ADGRB3: variants seen among roughly 807,000 people sequenced by gnomAD.
The protein encoded by ADGRB3 is brain-specific angiogenesis inhibitor 3.
Under a neutral mutation model 193.4 loss-of-function variants are expected in ADGRB3, and 37 were observed. The observed-to-expected ratio is 0.19, with a 90% CI of 0.15 to 0.25. The LOEUF is 0.25. Among genes scored for constraint, ADGRB3 ranks in the 10% least tolerant of loss-of-function variants. The pLI is 1.00. For missense variants in ADGRB3, 1,637 were observed against 1,852.9 expected (o/e 0.88, Z 2.14); for synonymous variants, 690 against 644.2 (o/e 1.07, Z -1.08).
At chr6:69,082,490 A>G (rs1417557626) in intron 17 of ADGRB3, among the ~76,000 whole-genome samples, 1 of 151,704 alleles carries the variant, frequency 6.6e-6, no homozygotes, top group African/African-American at 2.4e-5. Flanking sequence ...TTCCCCTCTC[A>G]GTTATCTATT....
chr6:69,009,826 C>G (rs1258660780), intron 11 of ADGRB3, among the ~76,000 whole-genome samples: 1 of 152,040 alleles, frequency 6.6e-6, no homozygotes, highest in Non-Finnish European at 1.5e-5. Context: ...GAGGAGAGCA[C>G]ATTTCCTGTG....
chr6:68,861,814 A>T (rs1348063753), intron 3 of ADGRB3, among the ~76,000 whole-genome samples: 1 of 152,144 alleles, frequency 6.6e-6, no homozygotes, highest in Non-Finnish European at 1.5e-5. Flanking sequence ...TGTCTGTGCA[A>T]CCATAGCATG....
intron 17 of ADGRB3, among the ~76,000 whole-genome samples, chr6:69,227,439 A>G (rs544848889): frequency 2.0e-3 from 305 of 152,306 alleles, no homozygotes; most frequent in African/African-American, 6.9e-3. Context: ...ATAATTGTCG[A>G]CAGGATCTCT....
intron 13 of ADGRB3, among the ~76,000 whole-genome samples, chr6:69,031,990 T>G (rs1770725243): frequency 6.6e-6 from 1 of 152,198 alleles, no homozygotes; most frequent in South Asian, 2.1e-4. Flanking sequence ...TGATGACCTG[T>G]GTGCCCTAGG....
chr6:68,808,731 GA>G (rs200138788), intron 3 of ADGRB3, among the ~76,000 whole-genome samples: 1 of 139,244 alleles, frequency 7.2e-6, no homozygotes, highest in Admixed American at 7.4e-5. Context: ...GAGGAGGAGA[GA>G]AAAAAGGAGG....
chr6:69,082,868 C>A (rs1269059747), intron 17 of ADGRB3, among the ~76,000 whole-genome samples: 1 of 152,036 alleles, frequency 6.6e-6, no homozygotes, highest in Admixed American at 6.6e-5. Context: ...GGTGAGAATT[C>A]TTTGAGGCCA....
intron 3 of ADGRB3, among the ~76,000 whole-genome samples, chr6:68,810,793 T>A (rs575660509): frequency 9.2e-5 from 14 of 151,984 alleles, no homozygotes; most frequent in Non-Finnish European, 1.5e-4. Context: ...GAAAGAAAAT[T>A]ATTAGAGCAA....
intron 3 of ADGRB3, among the ~76,000 whole-genome samples, chr6:68,913,585 G>A (rs1766785876): frequency 6.6e-6 from 1 of 152,122 alleles, no homozygotes; most frequent in Admixed American, 6.5e-5. Flanking sequence ...AAACCACAAA[G>A]ATGGGGAAAA....
At position 69,143,789 on chromosome 6, in the gene ADGRB3, G is replaced by A. The variant is rs183948033; in HGVS notation, c.2480+67751G>A. On this transcript the variant is annotated intron_variant, in intron 17 of 31. Transcript: ENST00000370598. ...ATGCTTTTTTGGTTACTATAGCTCC[G>A]TAGTATAATTTGAAGTCAGGTAATG... Among the ~76,000 whole-genome samples the A allele has an allele frequency of 1.1e-3, 163 of 152,152 alleles. 1 individual carries two copies. Among genetic ancestry groups the A allele is most frequent in the African/African-American group, 3.5e-3 (145 of 41,530 alleles).
intron 3 of ADGRB3, among the ~76,000 whole-genome samples, chr6:68,792,237 T>G (rs375908915): frequency 2.0e-5 from 3 of 152,186 alleles, no homozygotes; most frequent in East Asian, 1.9e-4. Context: ...TATAGACATC[T>G]TTAATGGTCA....
intron 3 of ADGRB3, among the ~76,000 whole-genome samples, chr6:68,793,769 T>G (rs903849988): frequency 6.6e-6 from 1 of 152,150 alleles, no homozygotes; most frequent in African/African-American, 2.4e-5. Flanking sequence ...CCTCATATGA[T>G]CTGGCTGCCT....
At chr6:69,279,468 G>A (rs1405249392) in intron 20 of ADGRB3, among the ~76,000 whole-genome samples, 1 of 151,910 alleles carries the variant, frequency 6.6e-6, no homozygotes, top group African/African-American at 2.4e-5. Context: ...GTGTGTGTGT[G>A]TGTGTGTATT....
chr6:68,916,057 C>T (rs923281479), intron 3 of ADGRB3, among the ~76,000 whole-genome samples: 1 of 151,780 alleles, frequency 6.6e-6, no homozygotes, highest in East Asian at 1.9e-4. Context: ...ACACAAGGAG[C>T]AAACCAAGAA....
rs781253779 is a variant in ADGRB3, at chr6:69,339,001, G to A, written c.3274G>A (p.Ala1092Thr). 24 of 1,613,578 alleles carry A rather than the reference G, an allele frequency of 1.5e-5. No individual in the cohort carries two copies. The highest frequency in any genetic ancestry group is 2.2e-5 in the South Asian group (2 of 91,044). The change falls in exon 25 of 32, where the codon GCC (alanine) becomes ACC (threonine). Residue 1092 changes from alanine (A) to threonine (T), a missense_variant. Around this residue, in one of 7 missense-constraint regions of ADGRB3, gnomAD observed 56 missense variants for 53.3 expected, o/e 1.05. Transcript: ENST00000370598. ...AACAACAGCTTTGTCAGCCACCACC[G>A]CCAGTAACGCCATGTTAGTCCCAAT... is the stretch of plus-strand genomic sequence containing the variant. The part of the protein sequence containing the change: ...VSTTALSATT[A>T]SNAMASLWSS...
intron 3 of ADGRB3, among the ~76,000 whole-genome samples, chr6:68,828,406 C>G (rs1405224831): frequency 6.6e-6 from 1 of 152,070 alleles, no homozygotes; most frequent in Non-Finnish European, 1.5e-5. Context: ...CAAAACTAAG[C>G]TTCAATTTGG....
At chr6:69,132,434 T>C (rs932920941) in intron 17 of ADGRB3, among the ~76,000 whole-genome samples, 1 of 152,172 alleles carries the variant, frequency 6.6e-6, no homozygotes, top group Non-Finnish European at 1.5e-5. Flanking sequence ...TTTTGAGAAG[T>C]ATCTGTTCAT....
At chr6:69,057,901 T>TA (rs1190420050) in intron 15 of ADGRB3, among the ~76,000 whole-genome samples, 4 of 151,966 alleles carry the variant, frequency 2.6e-5, no homozygotes, top group Admixed American at 6.6e-5. Flanking sequence ...TTCCTTTTTT[T>TA]TATATATAGT....
intron 3 of ADGRB3, among the ~76,000 whole-genome samples, chr6:68,926,493 G>A (rs181589815): frequency 1.2e-4 from 18 of 152,214 alleles, no homozygotes; most frequent in Non-Finnish European, 1.8e-4. Flanking sequence ...GTGGTTTTAC[G>A]AATCCCATAG....
chr6:69,036,403 A>G (rs752799797), intron 13 of ADGRB3, among the ~76,000 whole-genome samples: 1 of 152,122 alleles, frequency 6.6e-6, no homozygotes, highest in Non-Finnish European at 1.5e-5. Flanking sequence ...GATCATATTA[A>G]ACTCACTGCC....
Sources: gnomAD v4.1 joint callset for allele counts (sites outside exome capture counted in the v4.1 genomes callset) on GRCh38, gnomAD v4.1.1 for gene constraint, gnomAD v4.1.1 regional missense constraint, MANE v1.5 for transcripts, NCBI Gene and HGNC (gene_info 2026-07-23, HGNC 2026-07-21) for gene names.